Variants in PKHD1 observed in about 807,000 individuals in gnomAD.
The protein encoded by PKHD1 is PKHD1 ciliary IPT domain containing fibrocystin/polyductin, also known as fibrocystin.
Under a neutral mutation model 412.0 loss-of-function variants are expected in PKHD1, and 291 were observed. The observed-to-expected ratio is 0.71, with a 90% CI of 0.64 to 0.78. The LOEUF (loss-of-function observed/expected upper bound fraction) is 0.78. Ranked by LOEUF, PKHD1 falls within the 30% of genes least tolerant of loss-of-function variation. The pLI is 0.00. For missense variants in PKHD1, 4,825 were observed against 4,950.7 expected (o/e 0.97, Z 0.76); for synonymous variants, 1,777 against 1,821.5 (o/e 0.98, Z 0.62).
At chr6:51,725,863 G>A (rs1440658390) in intron 60 of PKHD1, among the ~76,000 whole-genome samples, 1 of 152,174 alleles carries the variant, frequency 6.6e-6, no homozygotes, top group African/African-American at 2.4e-5. Flanking sequence ...AGTTCTAGAA[G>A]GTGAGCATAA....
chr6:51,928,689 A>G (rs1042182015), intron 37 of PKHD1, among the ~76,000 whole-genome samples: 2 of 152,232 alleles, frequency 1.3e-5, no homozygotes, highest in African/African-American at 4.8e-5. Context: ...TTTCTTTGGT[A>G]GTAGAAAATC....
chr6:51,932,173 G>A (rs1027786909), intron 37 of PKHD1, among the ~76,000 whole-genome samples: 1 of 152,174 alleles, frequency 6.6e-6, no homozygotes, highest in Non-Finnish European at 1.5e-5. Flanking sequence ...TTGACTGTAA[G>A]CAATGGGACT....
At chr6:51,777,792 CAA>C (rs1477559798) in intron 53 of PKHD1, among the ~76,000 whole-genome samples, 2 of 149,822 alleles carry the variant, frequency 1.3e-5, no homozygotes, top group Non-Finnish European at 3.0e-5. Flanking sequence ...CAGAGTCCCA[CAA>C]AAAGAGTTCA....
intron 60 of PKHD1, among the ~76,000 whole-genome samples, chr6:51,667,601 T>C (rs2150474035): frequency 6.6e-6 from 1 of 152,176 alleles, no homozygotes; most frequent in South Asian, 2.1e-4. Flanking sequence ...TTTGGTGTTT[T>C]AGACATGAAG....
chr6:51,626,850 G>C, intron 66 of PKHD1, 147 bp downstream of exon 66: 4 of 776,134 alleles, frequency 5.2e-6, no homozygotes, highest in Admixed American at 4.0e-5. Context: ...TTTTCTGCTG[G>C]GGTATAATTT....
intron 62 of PKHD1, among the ~76,000 whole-genome samples, chr6:51,648,685 G>C (rs1218698902): frequency 1.3e-5 from 2 of 152,136 alleles, no homozygotes; most frequent in African/African-American, 2.4e-5. Context: ...ACATATAAGA[G>C]AGATTATTTT....
intron 35 of PKHD1, among the ~76,000 whole-genome samples, chr6:51,997,108 G>A (rs987969370): frequency 4.6e-5 from 7 of 152,206 alleles, no homozygotes. Context: ...TCCTTCTTCT[G>A]AACTGTGCTC....
At chr6:51,979,096 A>G (rs1794814994) in intron 35 of PKHD1, among the ~76,000 whole-genome samples, 1 of 152,204 alleles carries the variant, frequency 6.6e-6, no homozygotes, top group Non-Finnish European at 1.5e-5. Context: ...CCAATAGGTA[A>G]CCAAGTTGTG....
chr6:51,978,643 C>G (rs1273206826), intron 35 of PKHD1, among the ~76,000 whole-genome samples: 1 of 152,154 alleles, frequency 6.6e-6, no homozygotes, highest in African/African-American at 2.4e-5. Flanking sequence ...GCCGTTTTGA[C>G]ATCAGGTGCT....
chr6:52,017,493 A>G lies in PKHD1; in HGVS notation c.5517T>C (p.Ile1839=). ...QLLESWPYLY[I]CEESSQCLFV... is the part of the protein sequence containing the mutation. ...AGAGGCATTGGGAACTTTCCTCGCAAATGTAGAGGTAAGGCCACGATTCAA... is the reference window on the plus strand; with the variant it reads ...AGAGGCATTGGGAACTTTCCTCGCAGATGTAGAGGTAAGGCCACGATTCAA... The change falls in exon 34 of 67, where the codon ATT becomes ATC. Residue 1839 remains isoleucine (I), a synonymous_variant. Coordinates refer to ENST00000371117, the MANE Select transcript of PKHD1 (RefSeq NM_138694.4). 6.2e-7 allele frequency: 1 copy of G among 1,614,114 alleles called. No homozygotes were observed. The highest frequency in any genetic ancestry group is 8.5e-7 in the Non-Finnish European group (1 of 1,179,946).
At chr6:52,047,617 TC>T (rs1379981869) in intron 23 of PKHD1, among the ~76,000 whole-genome samples, 3 of 152,200 alleles carry the variant, frequency 2.0e-5, no homozygotes, top group Non-Finnish European at 4.4e-5. Flanking sequence ...ACCACTGAAA[TC>T]CTCCATAGTA....
chr6:51,671,149 A>G (rs1774895773), intron 60 of PKHD1, among the ~76,000 whole-genome samples: 1 of 152,108 alleles, frequency 6.6e-6, no homozygotes, highest in African/African-American at 2.4e-5. Flanking sequence ...GTGTTTTCCA[A>G]CTTGGTTCCA....
chr6:52,025,087 C>T lies in PKHD1; in HGVS notation c.4723G>A (p.Val1575Met). ...AAATTCTTAGGAAAATAATGAAACACTTGGGGCATAATGTAGAAGTGTCTG... is the reference window on the plus strand; with the variant it reads ...AAATTCTTAGGAAAATAATGAAACATTTGGGGCATAATGTAGAAGTGTCTG... ...VSRHFYIMPQ[V>M]FHYFPKNFSL... The change falls in exon 32 of 67, where the codon GTG becomes ATG. Residue 1575 changes from valine to methionine, a missense_variant. Transcript: ENST00000371117. 1 of 1,614,156 alleles carries T rather than the reference C, an allele frequency of 6.2e-7. No homozygotes were observed. Among genetic ancestry groups the T allele is most frequent in the East Asian group, 2.2e-5 (1 of 44,880 alleles).
chr6:51,935,551 C>A, intron 36 of PKHD1, among the ~76,000 whole-genome samples: 1 of 152,208 alleles, frequency 6.6e-6, no homozygotes, highest in East Asian at 1.9e-4. Flanking sequence ...TTATATCAGA[C>A]ACACCAGAGG....
chr6:51,968,204 A>G (rs1053036372), intron 35 of PKHD1, among the ~76,000 whole-genome samples: 2 of 152,210 alleles, frequency 1.3e-5, no homozygotes, highest in African/African-American at 4.8e-5. Context: ...CCATCTTCAT[A>G]CAATAGAAAT....
chr6:51,653,355 C>T lies in PKHD1; in HGVS notation c.11175-4135G>A, dbSNP rs556844358. Among the ~76,000 whole-genome samples, 10 of 152,212 alleles carry T rather than the reference C, an allele frequency of 6.6e-5. No individual in the cohort carries two copies. In the East Asian group the frequency reaches 1.2e-3, roughly 18 times the overall value. On this transcript the variant is annotated intron_variant, in intron 61 of 66. Coordinates refer to ENST00000371117, the MANE Select transcript of PKHD1 (RefSeq NM_138694.4). Reference sequence around the variant, plus strand: ...AGGGAAGAAATGTCTTATGATCTGACGGTTTTTTTCTGGCACTGTGGTCTA... The same window carrying T: ...AGGGAAGAAATGTCTTATGATCTGATGGTTTTTTTCTGGCACTGTGGTCTA...
rs192950631 is a variant in PKHD1, at chr6:52,056,442, G to A, written c.1693+256C>T. 2.8e-3 allele frequency among the ~76,000 whole-genome samples: 426 copies of A among 152,060 alleles called. 1 individual carries two copies. The highest frequency in any genetic ancestry group is 3.7e-3 in the Non-Finnish European group (249 of 67,996). ...GACCTTTTCCCACCGTGTGGCATGG[G>A]GAGTATAGGAGGGTGCTGCACTCTA... On this transcript the variant is annotated intron_variant, in intron 18 of 66. Transcript: ENST00000371117.
At chr6:51,867,185 A>T (rs1015656896) in intron 48 of PKHD1, among the ~76,000 whole-genome samples, 2 of 152,166 alleles carry the variant, frequency 1.3e-5, no homozygotes, top group African/African-American at 4.8e-5. Context: ...GGCTAAATAT[A>T]TACAATGCAT....
chr6:51,889,200 G>A lies in PKHD1; in HGVS notation c.6997-1955C>T, dbSNP rs144975350. Among the ~76,000 whole-genome samples the A allele has an allele frequency of 7.1e-3, 1,084 of 152,114 alleles. 12 individuals are homozygous for A. The highest frequency in any genetic ancestry group is 0.011 in the Non-Finnish European group (726 of 68,004). On this transcript the variant is annotated intron_variant, in intron 43 of 66. Transcript: ENST00000371117. ...TCCTCCTTGGAAGTCACTCAATCCC[G>A]GGAACACAAACTATGGGGCTTGGAG...
Sources: allele counts gnomAD v4.1 joint callset (sites outside exome capture counted in the v4.1 genomes callset), GRCh38; gene constraint gnomAD v4.1.1; transcripts MANE v1.5; gene names NCBI Gene and HGNC (gene_info 2026-07-23, HGNC 2026-07-21).